Variants in GPD2 observed in about 807,000 individuals in gnomAD.
GPD2 encodes glycerol-3-phosphate dehydrogenase 2.
A neutral mutation model predicts 82.4 loss-of-function variants in GPD2; 54 were observed. That is an observed-to-expected ratio of 0.66 (90% confidence interval 0.53 to 0.82). The LOEUF is 0.82. Among genes scored for constraint, GPD2 ranks in the 40% least tolerant of loss-of-function variants. The pLI is 0.00. For missense variants in GPD2, 748 were observed against 896.2 expected (o/e 0.83, Z 2.11); for synonymous variants, 288 against 306.1 (o/e 0.94, Z 0.62).
At chr2:156,457,514 ACT>A (rs1286329014) in intron 1 of GPD2, among the ~76,000 whole-genome samples, 1 of 152,178 alleles carries the variant, frequency 6.6e-6, no homozygotes, top group Admixed American at 6.5e-5. Flanking sequence ...TTGATAGAAC[ACT>A]CTGAAATAAG....
At chr2:156,435,543 C>T (rs1260050237), upstream of GPD2, 1 of 151,972 alleles carries the variant, frequency 6.6e-6, no homozygotes, top group Non-Finnish European at 1.5e-5. Flanking sequence ...GTCTGGGGAA[C>T]CTGTGCTCAG....
At chr2:156,514,718 A>G (rs1368960666) in intron 6 of GPD2, among the ~76,000 whole-genome samples, 2 of 152,184 alleles carry the variant, frequency 1.3e-5, no homozygotes, top group Admixed American at 6.5e-5. Context: ...TTAGGTAAAC[A>G]TTAAAAGCTA....
the GPD2 span, among the ~76,000 whole-genome samples, chr2:156,424,041 T>G: frequency 6.6e-6 from 1 of 152,278 alleles, no homozygotes; most frequent in South Asian, 2.1e-4. Context: ...CTGGGTTGAA[T>G]ATGCAGTTTG....
chr2:156,545,964 A>G (rs1026681635), intron 6 of GPD2, among the ~76,000 whole-genome samples: 2 of 152,192 alleles, frequency 1.3e-5, no homozygotes, highest in African/African-American at 4.8e-5. Flanking sequence ...GTGCAAGGTC[A>G]TTGAGGATTA....
chr2:156,520,243 G>T (rs1384177147), intron 6 of GPD2, among the ~76,000 whole-genome samples: 2 of 152,170 alleles, frequency 1.3e-5, no homozygotes, highest in East Asian at 1.9e-4. Context: ...CAACATTCGG[G>T]TGGGAAAACA....
At chr2:156,471,455 C>T (rs574141340) in intron 1 of GPD2, among the ~76,000 whole-genome samples, 2 of 152,318 alleles carry the variant, frequency 1.3e-5, no homozygotes, top group South Asian at 4.1e-4. Context: ...TTTTACTTCA[C>T]GTGTACACAG....
intron 1 of GPD2, among the ~76,000 whole-genome samples, chr2:156,441,510 G>A (rs1288982831): frequency 6.6e-6 from 1 of 152,172 alleles, no homozygotes; most frequent in Non-Finnish European, 1.5e-5. Context: ...AGTGAGCTGC[G>A]TTAGTGCCAC....
At chr2:156,479,725 A>G (rs868759501) in intron 2 of GPD2, among the ~76,000 whole-genome samples, 1 of 152,160 alleles carries the variant, frequency 6.6e-6, no homozygotes. Context: ...GTTTGTGGCC[A>G]CAGATAACAT....
At position 156,460,612 on chromosome 2, in the gene GPD2, T is replaced by C. The variant is rs1289835844; in HGVS notation, c.-8-15486T>C. Among the ~76,000 whole-genome samples the C allele has an allele frequency of 3.9e-5, 6 of 152,268 alleles. No individual in the cohort carries two copies. In the East Asian group the frequency reaches 1.2e-3, roughly 29 times the overall value. ...GATGTGACCTAGGGTTCTTTTCCAATATGGGTCCAAAATCAGTGCAAATTA... is the reference window on the plus strand; with the variant it reads ...GATGTGACCTAGGGTTCTTTTCCAACATGGGTCCAAAATCAGTGCAAATTA... On this transcript the variant is annotated intron_variant, in intron 1 of 16. Transcript: ENST00000438166.
At chr2:156,418,067 T>C in the GPD2 span, among the ~76,000 whole-genome samples, 6 of 151,556 alleles carry the variant, frequency 4.0e-5, no homozygotes, top group African/African-American at 1.5e-4. Flanking sequence ...ATACAAAAAA[T>C]AGCTGGGCAT....
At chr2:156,501,809 CTG>C (rs983459321) in intron 3 of GPD2, 4 of 169,222 alleles carry the variant, frequency 2.4e-5, no homozygotes, top group African/African-American at 9.6e-5. Context: ...ACTTAAGAAA[CTG>C]TAAAACTTTA....
chr2:156,502,277 A>T (rs1684614385), intron 3 of GPD2, among the ~76,000 whole-genome samples: 1 of 152,204 alleles, frequency 6.6e-6, no homozygotes, highest in East Asian at 1.9e-4. Flanking sequence ...GTATGACAGC[A>T]AAAAGCCATA....
At chr2:156,457,001 G>A (rs904573600) in intron 1 of GPD2, among the ~76,000 whole-genome samples, 11 of 152,086 alleles carry the variant, frequency 7.2e-5, no homozygotes, top group African/African-American at 2.7e-4. Flanking sequence ...TGCAGTGTAT[G>A]CTTTCATATT....
intron 3 of GPD2, among the ~76,000 whole-genome samples, chr2:156,498,261 T>C (rs991456020): frequency 1.3e-5 from 2 of 152,190 alleles, no homozygotes; most frequent in Non-Finnish European, 2.9e-5. Context: ...TTGGTACCGT[T>C]AGTGTGCCCA....
intron 2 of GPD2, among the ~76,000 whole-genome samples, chr2:156,478,141 A>T (rs1683580541): frequency 6.6e-6 from 1 of 152,174 alleles, no homozygotes; most frequent in African/African-American, 2.4e-5. Flanking sequence ...AAAGAATAGA[A>T]TAAACAGAAG....
At chr2:156,553,184 G>A (rs770179210) in intron 8 of GPD2, among the ~76,000 whole-genome samples, 8 of 151,924 alleles carry the variant, frequency 5.3e-5, no homozygotes, top group South Asian at 4.2e-4. Context: ...CACTGTGCCC[G>A]GCCCCTTATG....
At chr2:156,450,254 C>G (rs1009950770) in intron 1 of GPD2, among the ~76,000 whole-genome samples, 4 of 152,082 alleles carry the variant, frequency 2.6e-5, no homozygotes, top group African/African-American at 9.7e-5. Flanking sequence ...TTAGATATTC[C>G]TTTGGAGATG....
At chr2:156,411,596 T>C in the GPD2 span, among the ~76,000 whole-genome samples, 3 of 152,052 alleles carry the variant, frequency 2.0e-5, no homozygotes, top group Non-Finnish European at 4.4e-5. Context: ...GATTGTAATC[T>C]GTATATACAG....
At chr2:156,478,380 T>C (rs1683591687) in intron 2 of GPD2, among the ~76,000 whole-genome samples, 1 of 152,184 alleles carries the variant, frequency 6.6e-6, no homozygotes, top group Non-Finnish European at 1.5e-5. Flanking sequence ...ATGCAATCAA[T>C]GAGTTGCATA....
Sources: gnomAD v4.1 joint callset for allele counts (sites outside exome capture counted in the v4.1 genomes callset) on GRCh38, gnomAD v4.1.1 for gene constraint, MANE v1.5 for transcripts, NCBI Gene and HGNC (gene_info 2026-07-23, HGNC 2026-07-21) for gene names.